The following PRKCE variants were observed in gnomAD, a reference collection of about 807,000 sequenced individuals.
The protein encoded by PRKCE is protein kinase C epsilon type.
PRKCE carries 16 observed loss-of-function variants against 85.4 expected under a neutral mutation model. That is an observed-to-expected ratio of 0.19 (90% CI 0.13 to 0.28). PRKCE has a LOEUF of 0.28. PRKCE is among the 10% of genes least tolerant of loss of function. The pLI, the probability that PRKCE is intolerant of heterozygous loss-of-function variation, is 1.00. For synonymous variants in PRKCE, 388 were observed against 371.5 expected (o/e 1.04, Z -0.51); for missense variants, 573 against 975.2 (o/e 0.59, Z 5.49).
intron 13 of PRKCE, among the ~76,000 whole-genome samples, chr2:46,153,383 G>A (rs750218469): frequency 3.3e-5 from 5 of 152,116 alleles, no homozygotes; most frequent in Non-Finnish European, 7.3e-5. Flanking sequence ...AAACAACACA[G>A]TCCCTGCTTA....
chr2:45,946,853 G>C (rs955751912), intron 2 of PRKCE, among the ~76,000 whole-genome samples: 3 of 152,228 alleles, frequency 2.0e-5, no homozygotes, highest in East Asian at 3.8e-4. Flanking sequence ...CCGCCTTAGA[G>C]GGGTCAACTC....
chr2:46,083,407 A>G (rs1347624892), intron 10 of PRKCE, among the ~76,000 whole-genome samples: 2 of 152,208 alleles, frequency 1.3e-5, no homozygotes, highest in African/African-American at 4.8e-5. Flanking sequence ...TTGGTAGAAT[A>G]AAAAGCATCC....
intron 11 of PRKCE, among the ~76,000 whole-genome samples, chr2:46,134,054 C>T (rs1459524985): frequency 6.6e-6 from 1 of 152,194 alleles, no homozygotes; most frequent in Non-Finnish European, 1.5e-5. Flanking sequence ...ATTCAGCTGC[C>T]TCTGATGGTT....
At chr2:46,006,177 A>G (rs1705180882) in intron 8 of PRKCE, among the ~76,000 whole-genome samples, 1 of 152,254 alleles carries the variant, frequency 6.6e-6, no homozygotes, top group African/African-American at 2.4e-5. Flanking sequence ...CAGAACAGAA[A>G]TAAGACATAG....
chr2:45,824,289 A>C (rs1169707727), intron 1 of PRKCE, among the ~76,000 whole-genome samples: 1 of 152,250 alleles, frequency 6.6e-6, no homozygotes, highest in Non-Finnish European at 1.5e-5. Context: ...AAACATCTTT[A>C]TGAAGAAAGG....
At position 45,905,224 on chromosome 2, in the gene PRKCE, C is replaced by T. The variant is rs1228497889; in HGVS notation, c.412+62161C>T. 2.0e-5 allele frequency among the ~76,000 whole-genome samples: 3 copies of T among 152,200 alleles called. No homozygotes were observed. Among genetic ancestry groups the T allele is most frequent in the Admixed American group, 1.3e-4 (2 of 15,284 alleles). On this transcript the variant is annotated intron_variant, in intron 2 of 14. Transcript: ENST00000306156. The surrounding 1 kb of genome is among the most constrained non-coding windows in gnomAD (Gnocchi z 4.4). Reference sequence around the variant, plus strand: ...TTGACTTATGGCCAAGCCTCAGGAACCTCTTGGCTGGCTCTCCAACATAGC... The same window carrying T: ...TTGACTTATGGCCAAGCCTCAGGAATCTCTTGGCTGGCTCTCCAACATAGC...
chr2:46,053,502 T>C (rs6751395), intron 10 of PRKCE, among the ~76,000 whole-genome samples: 92,085 of 152,030 alleles, frequency 0.61, 29,451 homozygotes, highest in African/African-American at 0.79. Flanking sequence ...AGTAAACTCC[T>C]CATTACCTAC....
chr2:45,919,967 G>T (rs1698131580), intron 2 of PRKCE, among the ~76,000 whole-genome samples: 1 of 152,138 alleles, frequency 6.6e-6, no homozygotes, highest in Non-Finnish European at 1.5e-5. Context: ...AGAGGAGGAG[G>T]CTTGAGACCT....
At chr2:45,755,487 C>T (rs1049915909) in intron 1 of PRKCE, among the ~76,000 whole-genome samples, 7 of 152,182 alleles carry the variant, frequency 4.6e-5, no homozygotes, top group Admixed American at 4.6e-4. Context: ...CTGCTAATGG[C>T]TGCTGTTTTG....
chr2:46,010,656 T>G (rs532475537), intron 10 of PRKCE, 139 bp downstream of exon 10: 4 of 1,599,126 alleles, frequency 2.5e-6, no homozygotes, highest in Admixed American at 1.7e-5. Context: ...AAGATCAGGA[T>G]GTATTTGAAC....
intron 11 of PRKCE, among the ~76,000 whole-genome samples, chr2:46,112,577 G>A (rs1020993978): frequency 6.6e-6 from 1 of 151,806 alleles, no homozygotes; most frequent in Non-Finnish European, 1.5e-5. Context: ...GTGGTACAGT[G>A]GCACAATCTT....
chr2:45,903,880 A>ATTT (rs1333299295), intron 2 of PRKCE, among the ~76,000 whole-genome samples: 1 of 87,676 alleles, frequency 1.1e-5, no homozygotes, highest in Non-Finnish European at 2.1e-5. Flanking sequence ...GTAGCCTGGC[A>ATTT]GTTTTTTTTT....
At chr2:46,022,412 A>G (rs1706745519) in intron 10 of PRKCE, among the ~76,000 whole-genome samples, 1 of 152,178 alleles carries the variant, frequency 6.6e-6, no homozygotes, top group Admixed American at 6.5e-5. Context: ...GACAAGGACA[A>G]TGACAAAGTC....
At chr2:45,945,382 T>C (rs1344656121) in intron 2 of PRKCE, among the ~76,000 whole-genome samples, 1 of 151,272 alleles carries the variant, frequency 6.6e-6, no homozygotes, top group Non-Finnish European at 1.5e-5. Flanking sequence ...GGAGGTGTCA[T>C]ACTCTGTCAA....
At chr2:46,076,044 C>T (rs758428489) in intron 10 of PRKCE, among the ~76,000 whole-genome samples, 27 of 152,168 alleles carry the variant, frequency 1.8e-4, no homozygotes, top group Non-Finnish European at 3.4e-4. Flanking sequence ...GATGATTCAG[C>T]CTGGACATTG....
intron 6 of PRKCE, among the ~76,000 whole-genome samples, chr2:45,998,242 C>T (rs992968417): frequency 2.6e-5 from 4 of 152,162 alleles, no homozygotes; most frequent in Non-Finnish European, 5.9e-5. Context: ...AATGTTTCTG[C>T]CTGCTAGATC....
chr2:45,678,045 C>G (rs1007203168), intron 1 of PRKCE: 2 of 270,594 alleles, frequency 7.4e-6, no homozygotes, highest in Non-Finnish European at 1.1e-5. Context: ...CTACACCGAG[C>G]CAGGGGGAAA....
chr2:45,714,217 C>G (rs974843505), intron 1 of PRKCE, among the ~76,000 whole-genome samples: 8 of 152,196 alleles, frequency 5.3e-5, no homozygotes, highest in Middle Eastern at 6.8e-3. Flanking sequence ...ATGAAACAAG[C>G]CAATACATAA....
intron 2 of PRKCE, among the ~76,000 whole-genome samples, chr2:45,957,878 C>G (rs1313438519): frequency 6.6e-6 from 1 of 150,550 alleles, no homozygotes; most frequent in Non-Finnish European, 1.5e-5. Flanking sequence ...TGCCACTGCA[C>G]TAGATCCAGC....
Sources: gnomAD v4.1 joint callset for allele counts (sites outside exome capture counted in the v4.1 genomes callset) on GRCh38, gnomAD v4.1.1 for gene constraint, Gnocchi (gnomAD v3.1) non-coding constraint, MANE v1.5 for transcripts, NCBI Gene and HGNC (gene_info 2026-07-23, HGNC 2026-07-21) for gene names.